Variants in NFIB observed in about 807,000 individuals in gnomAD.
The protein encoded by NFIB is nuclear factor I B.
NFIB carries 11 observed loss-of-function variants against 61.5 expected under a neutral mutation model. The observed-to-expected ratio is 0.18, with a 90% CI of 0.11 to 0.30. The LOEUF (loss-of-function observed/expected upper bound fraction) is 0.30, where lower values mean the gene tolerates loss of function less well. Ranked by LOEUF, NFIB falls within the 10% of genes least tolerant of loss-of-function variation. The pLI is 1.00. For synonymous variants in NFIB, 260 were observed against 216.5 expected (o/e 1.20, Z -1.76); for missense variants, 471 against 608.9 (o/e 0.77, Z 2.38).
intron 2 of NFIB, among the ~76,000 whole-genome samples, chr9:14,283,344 T>C (rs780428488): frequency 1.1e-4 from 16 of 152,210 alleles, no homozygotes; most frequent in Admixed American, 2.6e-4. Flanking sequence ...GGAATTTAGA[T>C]TGAGAAAAAC....
chr9:14,204,837 C>A (rs781193374), intron 2 of NFIB: 2 of 464,816 alleles, frequency 4.3e-6, no homozygotes, highest in Non-Finnish European at 8.0e-6. Flanking sequence ...CACAGGAAGA[C>A]CTGCACCACT....
the NFIB span, among the ~76,000 whole-genome samples, chr9:14,404,936 G>C: frequency 6.6e-6 from 1 of 152,186 alleles, no homozygotes; most frequent in South Asian, 2.1e-4. Context: ...TTTTGGCTGA[G>C]GTTCCAGTTT....
chr9:14,124,534 G>A (rs2039383373), intron 7 of NFIB, among the ~76,000 whole-genome samples: 1 of 152,090 alleles, frequency 6.6e-6, no homozygotes, highest in African/African-American at 2.4e-5. Context: ...TACATTGTTT[G>A]CATAAAGATT....
chr9:14,220,491 C>T (rs577228226), intron 2 of NFIB, among the ~76,000 whole-genome samples: 1,711 of 152,220 alleles, frequency 0.011, 29 homozygotes, highest in African/African-American at 0.039. Context: ...GGGCATGGGG[C>T]TCCCTTTCGA....
At chr9:14,158,110 C>CAA (rs372875773) in intron 3 of NFIB, among the ~76,000 whole-genome samples, 22 of 64,334 alleles carry the variant, frequency 3.4e-4, no homozygotes, top group East Asian at 7.7e-4. Flanking sequence ...GACTCCATCT[C>CAA]AAAAAAAAAA....
chr9:14,142,996 A>G (rs2041919205), intron 6 of NFIB, among the ~76,000 whole-genome samples: 1 of 152,214 alleles, frequency 6.6e-6, no homozygotes, highest in South Asian at 2.1e-4. Flanking sequence ...AAATATAAAT[A>G]CTACATAATA....
At chr9:14,128,695 CAAA>C (rs202216145) in intron 6 of NFIB, among the ~76,000 whole-genome samples, 8 of 79,528 alleles carry the variant, frequency 1.0e-4, no homozygotes, top group Admixed American at 1.4e-4. Flanking sequence ...AACTCTGTCT[CAAA>C]AAAAAAAAAA....
chr9:14,269,172 T>G (rs4741357), intron 2 of NFIB, among the ~76,000 whole-genome samples: 1 of 152,234 alleles, frequency 6.6e-6, no homozygotes, highest in African/African-American at 2.4e-5. Context: ...AACTTTTACT[T>G]TTTAATGTGA....
intron 1 of NFIB, among the ~76,000 whole-genome samples, chr9:14,370,095 C>T (rs143360174): frequency 5.3e-5 from 8 of 152,278 alleles, no homozygotes; most frequent in African/African-American, 9.6e-5. Flanking sequence ...GTACATTTTA[C>T]GACTTTGTGC....
intron 2 of NFIB, among the ~76,000 whole-genome samples, chr9:14,211,083 T>C (rs912389896): frequency 1.3e-5 from 2 of 152,224 alleles, no homozygotes; most frequent in East Asian, 3.8e-4. Flanking sequence ...ATTACATACA[T>C]GTATTTGTAC....
intron 6 of NFIB, among the ~76,000 whole-genome samples, chr9:14,131,462 A>C (rs2040395383): frequency 6.6e-6 from 1 of 152,228 alleles, no homozygotes; most frequent in African/African-American, 2.4e-5. Flanking sequence ...ATAAAGAGTT[A>C]GATCAACTCA....
chr9:14,362,274 T>A (rs1243807574), intron 1 of NFIB: 2 of 152,252 alleles, frequency 1.3e-5, no homozygotes, highest in Non-Finnish European at 2.9e-5. Context: ...TGACTTGGAA[T>A]GACTACAATG....
chr9:14,400,016 C>T (rs751544412), upstream of NFIB, among the ~76,000 whole-genome samples: 1 of 151,776 alleles, frequency 6.6e-6, no homozygotes, highest in South Asian at 2.1e-4. Flanking sequence ...ACAAACAATA[C>T]TAGATCAAAG....
chr9:14,116,355 C>CA lies in NFIB; in HGVS notation c.1246-10dup. ...TGACCACTGCCGTTAGGCTACAAAACAAAAACAGAATGCCGGGTGAAGCAA... is the reference window on the plus strand; with the variant it reads ...TGACCACTGCCGTTAGGCTACAAAACAAAAAACAGAATGCCGGGTGAAGCAA... On this transcript the variant is annotated splice_polypyrimidine_tract_variant and intron_variant, in intron 8 of 10. Transcript: ENST00000380953. The CA allele has an allele frequency of 6.7e-7, 1 of 1,493,414 alleles. No individual in the cohort carries two copies. Among genetic ancestry groups the CA allele is most frequent in the Admixed American group, 2.3e-5 (1 of 43,258 alleles). 92.5% of individuals were successfully genotyped at this position (1,493,414 alleles called of 1,614,324 possible). A position where few individuals can be genotyped will look rare whatever the true frequency, so the allele number is the denominator to read the frequency against.
intron 1 of NFIB, among the ~76,000 whole-genome samples, chr9:14,373,001 T>G (rs1391995232): frequency 6.6e-6 from 1 of 152,148 alleles, no homozygotes; most frequent in Non-Finnish European, 1.5e-5. Flanking sequence ...GGGTGGGGAC[T>G]GATTCCAGAA....
chr9:14,099,097 C>T (rs1026364872), intron 10 of NFIB, among the ~76,000 whole-genome samples: 5 of 152,070 alleles, frequency 3.3e-5, no homozygotes, highest in Non-Finnish European at 7.4e-5. Flanking sequence ...AAGAGGGTGA[C>T]CATGGAAAAG....
chr9:14,352,326 T>G (rs2061122860), intron 1 of NFIB, among the ~76,000 whole-genome samples: 1 of 151,864 alleles, frequency 6.6e-6, no homozygotes, highest in Non-Finnish European at 1.5e-5. Context: ...AGTGTGGAGT[T>G]GGGAGGCTCA....
At chr9:14,130,715 T>C (rs2040301212) in intron 6 of NFIB, among the ~76,000 whole-genome samples, 1 of 151,132 alleles carries the variant, frequency 6.6e-6, no homozygotes, top group South Asian at 2.1e-4. Flanking sequence ...AAAGAAGAGG[T>C]AAAGCAGGCA....
the NFIB span, among the ~76,000 whole-genome samples, chr9:14,521,330 A>C: frequency 6.6e-6 from 1 of 152,204 alleles, no homozygotes; most frequent in Non-Finnish European, 1.5e-5. Context: ...TCCATGTGAA[A>C]ACACGGCTTG....
Sources: allele counts gnomAD v4.1 joint callset (sites outside exome capture counted in the v4.1 genomes callset), GRCh38; gene constraint gnomAD v4.1.1; transcripts MANE v1.5; gene names NCBI Gene and HGNC (gene_info 2026-07-23, HGNC 2026-07-21).